The following VPS53 variants were observed in gnomAD, a reference collection of about 807,000 sequenced individuals.
VPS53 encodes the protein vacuolar protein sorting-associated protein 53 homolog.
In VPS53, 70 loss-of-function variants were observed where a neutral mutation model predicts 107.0. The ratio of observed to expected loss-of-function variants is 0.65; its 90% CI spans 0.54 to 0.80. The LOEUF is 0.80. Among genes scored for constraint, VPS53 ranks in the 30% least tolerant of loss-of-function variants. The pLI, the probability that VPS53 is intolerant of heterozygous loss-of-function variation, is 0.00. For missense variants in VPS53, 917 were observed against 1,049.4 expected, an observed-to-expected ratio of 0.87 and a Z score of 1.74; for synonymous variants, 409 against 393.3, an observed-to-expected ratio of 1.04 and a Z score of -0.47.
intron 7 of VPS53, among the ~76,000 whole-genome samples, chr17:637,718 T>C (rs913526356): frequency 1.3e-5 from 2 of 152,230 alleles, no homozygotes; most frequent in African/African-American, 4.8e-5. Flanking sequence ...TTCCAGTAGT[T>C]GAGTGGTTTT....
At chr17:622,240 A>C (rs2143021305) in intron 11 of VPS53, among the ~76,000 whole-genome samples, 1 of 152,220 alleles carries the variant, frequency 6.6e-6, no homozygotes, top group East Asian at 1.9e-4. Context: ...AAAAAAATAA[A>C]AAAATAAAGG....
At chr17:663,900 AAAC>A (rs1971574009) in intron 4 of VPS53, among the ~76,000 whole-genome samples, 1 of 152,204 alleles carries the variant, frequency 6.6e-6, no homozygotes, top group Admixed American at 6.5e-5. Flanking sequence ...GATCCTGGAA[AAAC>A]AACAAAATAA....
chr17:629,214 G>C (rs1368537013), intron 8 of VPS53, among the ~76,000 whole-genome samples: 1 of 152,074 alleles, frequency 6.6e-6, no homozygotes, highest in Non-Finnish European at 1.5e-5. Flanking sequence ...TTAAAATGTT[G>C]ACTTACTCCA....
At chr17:676,132 G>A (rs915651982) in intron 4 of VPS53, 1 of 152,140 alleles carries the variant, frequency 6.6e-6, no homozygotes, top group African/African-American at 2.4e-5. Flanking sequence ...GTCCAAATTG[G>A]AGCAAAGGAA....
At chr17:544,551 C>A (rs1358489019) in intron 17 of VPS53, among the ~76,000 whole-genome samples, 3 of 152,212 alleles carry the variant, frequency 2.0e-5, no homozygotes, top group Non-Finnish European at 4.4e-5. Context: ...CAGCTCACTG[C>A]AACCTCTGCC....
chr17:644,037 A>C (rs1169309287), intron 7 of VPS53, among the ~76,000 whole-genome samples: 1 of 152,200 alleles, frequency 6.6e-6, no homozygotes, highest in Non-Finnish European at 1.5e-5. Flanking sequence ...TTTTCAAGAG[A>C]ATGTAAGGCT....
intron 11 of VPS53, among the ~76,000 whole-genome samples, chr17:621,092 C>T (rs1009921941): frequency 1.3e-5 from 2 of 152,204 alleles, no homozygotes; most frequent in African/African-American, 4.8e-5. Context: ...CCTTGCTTCT[C>T]TACCTACTCT....
chr17:680,314 T>G (rs193031815), intron 4 of VPS53, among the ~76,000 whole-genome samples: 341 of 151,894 alleles, frequency 2.2e-3, no homozygotes, highest in African/African-American at 7.8e-3. Flanking sequence ...CAACAAAAAC[T>G]GACATAAACC....
At chr17:598,537 A>G (rs2143006416) in intron 12 of VPS53, among the ~76,000 whole-genome samples, 1 of 149,274 alleles carries the variant, frequency 6.7e-6, no homozygotes, top group South Asian at 2.1e-4. Flanking sequence ...CCCGGCCGCC[A>G]TCACATCTAG....
In VPS53 at chr17:524,856, T is replaced by C. The variant is rs1330041555; in HGVS notation, c.2086-3118A>G. On this transcript the variant is annotated intron_variant, in intron 19 of 21. Transcript: ENST00000437048. The surrounding 1 kb of genome is among the most constrained non-coding windows in gnomAD (Gnocchi z 4.5). ...CTGAAATTCAGACTAGTGGTGACAG[T>C]AGAAGTTAGTTCAAGCACGTTGGGG... is the stretch of plus-strand genomic sequence containing the variant. Among the ~76,000 whole-genome samples the C allele has an allele frequency of 4.6e-5, 7 of 152,120 alleles. No individual in the cohort carries two copies. Among genetic ancestry groups the C allele is most frequent in the Non-Finnish European group, 8.8e-5 (6 of 68,024 alleles).
intron 4 of VPS53, among the ~76,000 whole-genome samples, chr17:690,520 G>A (rs1972740581): frequency 6.6e-6 from 1 of 152,236 alleles, no homozygotes; most frequent in Admixed American, 6.5e-5. Context: ...GAATTCACTT[G>A]TGACTATCCC....
intron 5 of VPS53, among the ~76,000 whole-genome samples, chr17:659,528 T>C (rs139726954): frequency 0.098 from 14,965 of 152,044 alleles, 825 homozygotes; most frequent in East Asian, 0.21. Context: ...TGATCCCCCC[T>C]CCTTGGCCTC....
At position 662,501 on chromosome 17, in the gene VPS53, A is replaced by G. The variant is rs866277236; in HGVS notation, c.286-606T>C. Among the ~76,000 whole-genome samples, 54 of 152,116 alleles carry G rather than the reference A, an allele frequency of 3.5e-4. 1 individual carries two copies. Among genetic ancestry groups the G allele is most frequent in the Middle Eastern group, 6.8e-3 (2 of 294 alleles). Reference sequence around the variant, plus strand: ...TCAGGAGATCAAGACCATCCTGGCTAACACGGTGAAACCCCATCTCTACTA... The same window carrying G: ...TCAGGAGATCAAGACCATCCTGGCTGACACGGTGAAACCCCATCTCTACTA... On this transcript the variant is annotated intron_variant, in intron 4 of 21. Transcript: ENST00000437048.
At chr17:652,909 T>C (rs1316121390) in intron 7 of VPS53, among the ~76,000 whole-genome samples, 1 of 152,240 alleles carries the variant, frequency 6.6e-6, no homozygotes, top group African/African-American at 2.4e-5. Flanking sequence ...ACCAGACAGT[T>C]AGATCAGGTA....
intron 5 of VPS53, among the ~76,000 whole-genome samples, chr17:658,267 A>G (rs2657628): frequency 0.01 from 745 of 73,482 alleles, 1 homozygote; most frequent in African/African-American, 0.011. Context: ...ACATCCCACT[A>G]AAGTGAGAAA....
chr17:672,175 A>ATTTCTCTCTC (rs1971987587), intron 4 of VPS53, among the ~76,000 whole-genome samples: 1 of 107,068 alleles, frequency 9.3e-6, no homozygotes, highest in Non-Finnish European at 1.9e-5. Context: ...CACAATCTCA[A>ATTTCTCTCTC]TCTCTCTCTC....
At chr17:546,321 T>TAG (rs1911184166) in intron 17 of VPS53, among the ~76,000 whole-genome samples, 1 of 136,650 alleles carries the variant, frequency 7.3e-6, no homozygotes, top group African/African-American at 2.8e-5. Context: ...AATGGTATCT[T>TAG]AGATATCTCA....
At chr17:555,530 TTA>T (rs1483947337) in intron 15 of VPS53, among the ~76,000 whole-genome samples, 35 of 152,130 alleles carry the variant, frequency 2.3e-4, no homozygotes, top group Non-Finnish European at 4.3e-4. Context: ...GACGGGGGTT[TTA>T]CTATGTTGGC....
chr17:523,520 TA>T (rs1908904879), intron 19 of VPS53: 1 of 152,176 alleles, frequency 6.6e-6, no homozygotes, highest in South Asian at 2.1e-4. Context: ...AATTAATGAT[TA>T]AAGAGAAACT....
Sources: allele counts gnomAD v4.1 joint callset (sites outside exome capture counted in the v4.1 genomes callset), GRCh38; gene constraint gnomAD v4.1.1; non-coding constraint Gnocchi (gnomAD v3.1); transcripts MANE v1.5; gene names NCBI Gene and HGNC (gene_info 2026-07-23, HGNC 2026-07-21).